Variants in ADAMTS12 observed in about 807,000 individuals in gnomAD.
The protein encoded by ADAMTS12 is A disintegrin and metalloproteinase with thrombospondin motifs 12.
A neutral mutation model predicts 167.8 loss-of-function variants in ADAMTS12; 118 were observed. That is an observed-to-expected ratio of 0.70 (90% CI 0.61 to 0.82). The LOEUF (loss-of-function observed/expected upper bound fraction) is 0.82, where lower values mean the gene tolerates loss of function less well. Ranked by LOEUF, ADAMTS12 falls within the 40% of genes least tolerant of loss-of-function variation. The pLI, the probability that ADAMTS12 is intolerant of heterozygous loss-of-function variation, is 0.00. For synonymous variants in ADAMTS12, 704 were observed against 716.9 expected, an observed-to-expected ratio of 0.98 and a Z score of 0.29; for missense variants, 1,916 against 1,998.8, an observed-to-expected ratio of 0.96 and a Z score of 0.79.
At chr5:33,609,896 C>T (rs1158482754) in intron 16 of ADAMTS12, among the ~76,000 whole-genome samples, 2 of 152,124 alleles carry the variant, frequency 1.3e-5, no homozygotes, top group African/African-American at 4.8e-5. Context: ...AATTGAAAAA[C>T]AGGCCAGGCA....
intron 1 of ADAMTS12, among the ~76,000 whole-genome samples, chr5:33,886,045 C>A (rs545673946): frequency 6.6e-6 from 1 of 152,292 alleles, no homozygotes; most frequent in South Asian, 2.1e-4. Context: ...CAGAAAATAA[C>A]AATTTTTCTC....
chr5:33,567,759 C>T (rs1166410029), intron 19 of ADAMTS12, among the ~76,000 whole-genome samples: 1 of 152,160 alleles, frequency 6.6e-6, no homozygotes, highest in East Asian at 1.9e-4. Context: ...TTCTTGTGAA[C>T]TATGTCATTT....
intron 6 of ADAMTS12, among the ~76,000 whole-genome samples, chr5:33,659,793 G>A (rs962395568): frequency 4.6e-5 from 7 of 152,204 alleles, no homozygotes; most frequent in African/African-American, 1.7e-4. Context: ...GTTCTGTAGA[G>A]AACTCTGTTA....
intron 2 of ADAMTS12, among the ~76,000 whole-genome samples, chr5:33,865,321 G>C (rs1749778553): frequency 6.6e-6 from 1 of 151,852 alleles, no homozygotes; most frequent in African/African-American, 2.4e-5. Context: ...GACGATGGAA[G>C]TCAATATATG....
At position 33,549,395 on chromosome 5, in the gene ADAMTS12, G is replaced by C. The variant is rs1745146701; in HGVS notation, c.4126-12C>G. 3.7e-6 allele frequency: 6 copies of C among 1,601,524 alleles called. No individual in the cohort carries two copies. Among genetic ancestry groups the C allele is most frequent in the Non-Finnish European group, 5.1e-6 (6 of 1,169,984 alleles). On this transcript the variant is annotated splice_polypyrimidine_tract_variant and intron_variant, in intron 20 of 23. Coordinates refer to ENST00000504830, the MANE Select transcript of ADAMTS12 (RefSeq NM_030955.4). ...CAGTTTCTGGAGCACTGTATGGAGA[G>C]AAAAATCAAAGGCGATCTCTGAGTC... is the stretch of plus-strand genomic sequence containing the variant.
chr5:33,553,766 T>C (rs1207596580), intron 20 of ADAMTS12, among the ~76,000 whole-genome samples: 2 of 152,146 alleles, frequency 1.3e-5, no homozygotes, highest in Non-Finnish European at 2.9e-5. Context: ...TAATGGGCAC[T>C]AGGCTTAATA....
At chr5:33,751,700 T>C (rs1434282923) in intron 2 of ADAMTS12, 152 bp from the exon 3 acceptor site, 2 of 694,722 alleles carry the variant, frequency 2.9e-6, no homozygotes, top group African/African-American at 1.8e-5. Flanking sequence ...AAGAGTTACA[T>C]ACAAATAATT....
intron 2 of ADAMTS12, among the ~76,000 whole-genome samples, chr5:33,859,107 C>T (rs188551564): frequency 2.6e-5 from 4 of 152,140 alleles, no homozygotes; most frequent in Non-Finnish European, 4.4e-5. Flanking sequence ...ACTGAGCTCA[C>T]GGCAGGAGTT....
rs25754 is a variant in ADAMTS12, at chr5:33,534,955, G to A, written c.4484C>T (p.Thr1495Ile). The change falls in exon 23 of 24, where the codon ACT (threonine) becomes ATT (isoleucine). Residue 1495 changes from threonine to isoleucine, a missense_variant. Transcript: ENST00000504830. Reference protein sequence around the residue: ...TSCGGGFQKRTVQCVPSEGNK... With the variant: ...TSCGGGFQKRIVQCVPSEGNK... ...GCCCTCTGAGGGCACACATTGGACAGTCCTCTTCTGAAAGCCACCTCCACA... is the reference window on the plus strand; with the variant it reads ...GCCCTCTGAGGGCACACATTGGACAATCCTCTTCTGAAAGCCACCTCCACA... 700,125 of 1,611,788 alleles carry A rather than the reference G, an allele frequency of 0.43. 160,294 individuals carry two copies. The highest frequency in any genetic ancestry group is 0.76 in the East Asian group (33,916 of 44,804).
At chr5:33,594,172 A>G (rs1205573789) in intron 17 of ADAMTS12, among the ~76,000 whole-genome samples, 3 of 152,192 alleles carry the variant, frequency 2.0e-5, no homozygotes, top group Non-Finnish European at 4.4e-5. Context: ...TTCTCATGCT[A>G]GTGAATAAGT....
At chr5:33,888,470 A>G (rs1750721048) in intron 1 of ADAMTS12, among the ~76,000 whole-genome samples, 1 of 152,238 alleles carries the variant, frequency 6.6e-6, no homozygotes, top group Non-Finnish European at 1.5e-5. Flanking sequence ...AACACAAAAT[A>G]TCAAATCTGT....
intron 19 of ADAMTS12, among the ~76,000 whole-genome samples, chr5:33,573,848 C>T (rs1473919453): frequency 2.0e-5 from 3 of 152,172 alleles, no homozygotes; most frequent in Middle Eastern, 3.2e-3. Flanking sequence ...ACCTACTCAT[C>T]TGACAAAGGG....
At chr5:33,753,414 G>GTGT (rs1745067213) in intron 2 of ADAMTS12, among the ~76,000 whole-genome samples, 1 of 152,176 alleles carries the variant, frequency 6.6e-6, no homozygotes, top group South Asian at 2.1e-4. Flanking sequence ...GTGCAGTACT[G>GTGT]AGATTTGGTT....
chr5:33,743,608 T>G (rs890117649), intron 3 of ADAMTS12, among the ~76,000 whole-genome samples: 41 of 152,326 alleles, frequency 2.7e-4, no homozygotes, highest in African/African-American at 9.9e-4. Context: ...TGTATCCTAA[T>G]TACCCGGTGT....
chr5:33,672,262 A>G (rs1359526405), intron 5 of ADAMTS12, among the ~76,000 whole-genome samples: 3 of 147,822 alleles, frequency 2.0e-5, no homozygotes, highest in Non-Finnish European at 4.5e-5. Context: ...ACTCACATAC[A>G]CAGCCCCACA....
At chr5:33,740,431 T>C (rs960792028) in intron 3 of ADAMTS12, among the ~76,000 whole-genome samples, 1 of 152,092 alleles carries the variant, frequency 6.6e-6, no homozygotes, top group Admixed American at 6.5e-5. Flanking sequence ...AGGTTAGTCT[T>C]CCCCTTTGCT....
intron 3 of ADAMTS12, among the ~76,000 whole-genome samples, chr5:33,718,439 T>A (rs997605515): frequency 2.6e-5 from 4 of 152,152 alleles, no homozygotes; most frequent in Non-Finnish European, 5.9e-5. Flanking sequence ...AGCATTAGAT[T>A]CTCATAGGAA....
In ADAMTS12 at chr5:33,891,806, C is replaced by T; in HGVS notation, c.51G>A (p.Gln17=). The part of the protein sequence containing the change: ...SWLANLSVVA[Q]LLNFGALCYG... ...AGCAAAGCGCCCCAAAGTTAAGGAG[C>T]TGAGCCACCACGGAAAGGTTTGCAA... Residue 17 remains glutamine (Q), a synonymous_variant, in exon 1 of 24, where the codon CAG becomes CAA. Coordinates refer to ENST00000504830, the MANE Select transcript of ADAMTS12 (RefSeq NM_030955.4). 12 of 1,614,238 alleles carry T rather than the reference C, an allele frequency of 7.4e-6. No individual in the cohort carries two copies. Among genetic ancestry groups the T allele is most frequent in the Non-Finnish European group, 8.5e-6 (10 of 1,180,046 alleles).
chr5:33,685,867 C>T (rs1226339361), intron 3 of ADAMTS12, among the ~76,000 whole-genome samples: 1 of 152,094 alleles, frequency 6.6e-6, no homozygotes, highest in African/African-American at 2.4e-5. Context: ...TCCCTCATTG[C>T]CCCATCAGCT....
Sources: allele counts gnomAD v4.1 joint callset (sites outside exome capture counted in the v4.1 genomes callset), GRCh38; gene constraint gnomAD v4.1.1; transcripts MANE v1.5; gene names NCBI Gene and HGNC (gene_info 2026-07-23, HGNC 2026-07-21).